Variants in PTPRD observed in about 807,000 individuals in gnomAD.
The protein encoded by PTPRD is protein tyrosine phosphatase receptor type D, also known as receptor-type tyrosine-protein phosphatase delta.
In PTPRD, 34 loss-of-function variants were observed where a neutral mutation model predicts 214.5. That is an observed-to-expected ratio of 0.16 (90% CI 0.12 to 0.21). The LOEUF is 0.21. PTPRD is among the 10% of genes least tolerant of loss of function. The pLI is 1.00. For missense variants in PTPRD, 2,545 were observed against 2,398.7 expected (o/e 1.06, Z -1.27); for synonymous variants, 1,128 against 845.7 (o/e 1.33, Z -5.79).
intron 14 of PTPRD, among the ~76,000 whole-genome samples, chr9:8,630,182 G>A (rs780419160): frequency 4.6e-4 from 70 of 151,752 alleles, no homozygotes; most frequent in African/African-American, 1.4e-3. Flanking sequence ...AATGATCCAC[G>A]TGGACGAAAT....
intron 11 of PTPRD, among the ~76,000 whole-genome samples, chr9:8,803,117 G>C (rs1363019728): frequency 6.6e-6 from 1 of 152,002 alleles, no homozygotes; most frequent in East Asian, 1.9e-4. Context: ...TCCTAGGGCG[G>C]TTAAAAGAAC....
intron 35 of PTPRD, among the ~76,000 whole-genome samples, chr9:8,423,041 G>C (rs1465963543): frequency 6.6e-6 from 1 of 152,188 alleles, no homozygotes; most frequent in African/African-American, 2.4e-5. Context: ...GCAGGGATGG[G>C]AGTAGGGGAA....
chr9:10,380,286 T>C (rs769360572), intron 2 of PTPRD, among the ~76,000 whole-genome samples: 7 of 152,080 alleles, frequency 4.6e-5, no homozygotes, highest in African/African-American at 7.2e-5. Context: ...ACTTAAAATT[T>C]CATGGATGTT....
At chr9:10,345,664 T>C (rs979497383) in intron 2 of PTPRD, among the ~76,000 whole-genome samples, 4 of 152,228 alleles carry the variant, frequency 2.6e-5, no homozygotes, top group African/African-American at 4.8e-5. Flanking sequence ...CAGTCTATCA[T>C]TGATGGACAT....
chr9:8,788,279 G>GTA (rs2096076131), intron 11 of PTPRD, among the ~76,000 whole-genome samples: 1 of 36,232 alleles, frequency 2.8e-5, no homozygotes, highest in African/African-American at 8.5e-5. Context: ...TTTTTTTTTT[G>GTA]TGTGTGTGTG....
intron 5 of PTPRD, among the ~76,000 whole-genome samples, chr9:9,851,886 T>A (rs951297396): frequency 6.6e-6 from 1 of 152,210 alleles, no homozygotes; most frequent in African/African-American, 2.4e-5. Context: ...ACTGTTAACA[T>A]TGACAACATC....
chr9:9,769,595 G>C (rs371359339), intron 5 of PTPRD, among the ~76,000 whole-genome samples: 87 of 151,922 alleles, frequency 5.7e-4, no homozygotes, highest in African/African-American at 1.9e-3. Flanking sequence ...CAAAGTGCTG[G>C]GATTACAGGC....
chr9:10,325,991 A>G (rs888918737), intron 3 of PTPRD, among the ~76,000 whole-genome samples: 1 of 151,882 alleles, frequency 6.6e-6, no homozygotes, highest in Non-Finnish European at 1.5e-5. Flanking sequence ...TGAGAAATAT[A>G]TCTGAGCAAG....
intron 34 of PTPRD, among the ~76,000 whole-genome samples, chr9:8,438,158 T>C (rs960954188): frequency 2.0e-5 from 3 of 152,186 alleles, no homozygotes; most frequent in African/African-American, 7.2e-5. Context: ...CAACATGACA[T>C]GTGACTACTT....
rs76971582 is a variant in PTPRD at position 8,485,193 on chromosome 9, T to C, written c.3153+34A>G. The C allele has an allele frequency of 9.7e-4, 1,531 of 1,577,324 alleles. 15 individuals are homozygous for C. In the African/African-American group the frequency reaches 0.019, roughly 19 times the overall value. ...AGATAAACTGTCCCCTCTACTTTTA[T>C]CTGTGATTTCTTACAAATTAGAAAA... On this transcript the variant is annotated intron_variant, in intron 29 of 45. Coordinates refer to ENST00000381196, the MANE Select transcript of PTPRD (RefSeq NM_002839.4).
chr9:9,364,303 A>G lies in PTPRD; in HGVS notation c.-203+33146T>C, dbSNP rs546893921. 3.3e-5 allele frequency among the ~76,000 whole-genome samples: 5 copies of G among 151,630 alleles called. No homozygotes were observed. The East Asian group carries it at 9.7e-4, about 30-fold the overall frequency. On this transcript the variant is annotated intron_variant, in intron 9 of 45. Transcript: ENST00000381196. ...GTTCTATACCCTGGATTACAGTAGT[A>G]AACAAAATTGTGAAGAGAATTTTCC...
At chr9:10,130,057 G>T (rs1185434172) in intron 3 of PTPRD, among the ~76,000 whole-genome samples, 5 of 149,420 alleles carry the variant, frequency 3.3e-5, no homozygotes, top group Non-Finnish European at 4.5e-5. Flanking sequence ...TTGTTTTTTT[G>T]ATTTTGATAA....
At chr9:8,348,583 C>G (rs528500505) in intron 39 of PTPRD, among the ~76,000 whole-genome samples, 1 of 152,200 alleles carries the variant, frequency 6.6e-6, no homozygotes, top group Admixed American at 6.5e-5. Context: ...GGGGTTGTTT[C>G]TTTAACTTGG....
At chr9:9,411,167 A>G (rs895934368) in intron 8 of PTPRD, among the ~76,000 whole-genome samples, 45 of 152,058 alleles carry the variant, frequency 3.0e-4, no homozygotes, top group African/African-American at 1.1e-3. Flanking sequence ...ATTAAACTCC[A>G]GATTGGGACA....
intron 39 of PTPRD, among the ~76,000 whole-genome samples, chr9:8,365,656 C>T (rs914106589): frequency 2.6e-5 from 4 of 152,172 alleles, no homozygotes; most frequent in Middle Eastern, 3.4e-3. Context: ...TGTTGTTTTC[C>T]CATCCAAAGG....
At chr9:9,088,072 G>A (rs1341825995) in intron 10 of PTPRD, among the ~76,000 whole-genome samples, 1 of 150,664 alleles carries the variant, frequency 6.6e-6, no homozygotes, top group Admixed American at 6.6e-5. Context: ...AGTAGACACG[G>A]GGTTTCACCA....
At chr9:8,934,436 A>AAAATAT (rs2098976844) in intron 11 of PTPRD, among the ~76,000 whole-genome samples, 2 of 30,332 alleles carry the variant, frequency 6.6e-5, no homozygotes, top group African/African-American at 1.5e-4. Context: ...TATATATATA[A>AAAATAT]ATATATATAT....
chr9:9,391,029 G>C (rs1414591303), intron 9 of PTPRD, among the ~76,000 whole-genome samples: 1 of 152,114 alleles, frequency 6.6e-6, no homozygotes, highest in Non-Finnish European at 1.5e-5. Context: ...ATTAAGTTGA[G>C]CTTTGCTTTA....
chr9:9,930,632 T>C (rs1032301920), intron 5 of PTPRD, among the ~76,000 whole-genome samples: 4 of 152,150 alleles, frequency 2.6e-5, no homozygotes, highest in Non-Finnish European at 4.4e-5. Flanking sequence ...AATGCAGTAT[T>C]TTAAAGTTTA....
Sources: allele counts gnomAD v4.1 joint callset (sites outside exome capture counted in the v4.1 genomes callset), GRCh38; gene constraint gnomAD v4.1.1; transcripts MANE v1.5; gene names NCBI Gene and HGNC (gene_info 2026-07-23, HGNC 2026-07-21).